PXYLP1: variants seen among roughly 807,000 people sequenced by gnomAD.
PXYLP1 encodes acid phosphatase-like 2.
A neutral mutation model predicts 37.9 loss-of-function variants in PXYLP1; 17 were observed. The ratio of observed to expected loss-of-function variants is 0.45; its 90% CI spans 0.31 to 0.67. PXYLP1 has a LOEUF of 0.67. Ranked by LOEUF, PXYLP1 falls within the 30% of genes least tolerant of loss-of-function variation. PXYLP1 has a pLI of 0.07. For missense variants in PXYLP1, 511 were observed against 612.0 expected, an observed-to-expected ratio of 0.84 and a Z score of 1.74; for synonymous variants, 221 against 232.2, an observed-to-expected ratio of 0.95 and a Z score of 0.44.
intron 1 of PXYLP1, among the ~76,000 whole-genome samples, chr3:141,244,909 A>G (rs1940900043): frequency 6.6e-6 from 1 of 151,776 alleles, no homozygotes; most frequent in Non-Finnish European, 1.5e-5. Context: ...TTTCCCCTTC[A>G]CAGATACTAT....
intron 4 of PXYLP1, among the ~76,000 whole-genome samples, chr3:141,282,958 G>T (rs1941988166): frequency 1.3e-5 from 2 of 150,426 alleles, no homozygotes; most frequent in Non-Finnish European, 1.5e-5. Context: ...TTTCTAGTCA[G>T]TAATAGGCTG....
At chr3:141,263,668 A>G (rs1941444480) in intron 2 of PXYLP1, among the ~76,000 whole-genome samples, 1 of 152,092 alleles carries the variant, frequency 6.6e-6, no homozygotes. Flanking sequence ...TCATTTCTCC[A>G]TGTTCTGACC....
intron 4 of PXYLP1, among the ~76,000 whole-genome samples, chr3:141,286,956 G>C (rs1942088377): frequency 2.6e-5 from 4 of 152,240 alleles, no homozygotes; most frequent in Admixed American, 2.6e-4. Context: ...GGAATGGAGA[G>C]AGTGGGACGA....
At chr3:141,263,891 A>G (rs887771294) in intron 2 of PXYLP1, among the ~76,000 whole-genome samples, 4 of 152,256 alleles carry the variant, frequency 2.6e-5, no homozygotes, top group African/African-American at 9.6e-5. Context: ...TAAGCAAACC[A>G]GCGCAGAGTT....
At chr3:141,247,572 A>C (rs1429415197) in intron 1 of PXYLP1, among the ~76,000 whole-genome samples, 1 of 152,186 alleles carries the variant, frequency 6.6e-6, no homozygotes, top group Non-Finnish European at 1.5e-5. Context: ...ATTATCACAG[A>C]GTTGGTGGGT....
intron 1 of PXYLP1, among the ~76,000 whole-genome samples, chr3:141,249,015 C>CA (rs1314401991): frequency 2.0e-5 from 3 of 152,056 alleles, no homozygotes; most frequent in Non-Finnish European, 4.4e-5. Context: ...CCCTCTGTAG[C>CA]ATCACCAGCA....
chr3:141,268,471 A>G (rs545577053), intron 2 of PXYLP1, among the ~76,000 whole-genome samples: 19 of 152,290 alleles, frequency 1.2e-4, no homozygotes, highest in African/African-American at 4.6e-4. Context: ...CAAGCCACGC[A>G]GTGCAGACCC....
intron 1 of PXYLP1, among the ~76,000 whole-genome samples, chr3:141,246,201 C>A (rs1197685350): frequency 6.6e-6 from 1 of 152,172 alleles, no homozygotes; most frequent in Non-Finnish European, 1.5e-5. Context: ...TTGGCACTTT[C>A]TAAGATGAGA....
intron 2 of PXYLP1, among the ~76,000 whole-genome samples, chr3:141,263,088 A>G (rs1021628403): frequency 2.0e-5 from 3 of 152,190 alleles, no homozygotes; most frequent in South Asian, 4.1e-4. Context: ...TCTTTTCCTG[A>G]TGTTTTGAAT....
chr3:141,266,431 G>GCC (rs1271524632), intron 2 of PXYLP1, among the ~76,000 whole-genome samples: 2 of 152,090 alleles, frequency 1.3e-5, no homozygotes, highest in African/African-American at 4.8e-5. Context: ...CTGAATTTGT[G>GCC]CCCTGCGGTG....
At chr3:141,265,821 C>T (rs1296145816) in intron 2 of PXYLP1, among the ~76,000 whole-genome samples, 2 of 152,152 alleles carry the variant, frequency 1.3e-5, no homozygotes, top group Non-Finnish European at 2.9e-5. Flanking sequence ...GGAAGTCAAC[C>T]ATGCAGGGCT....
At chr3:141,274,071 T>C in intron 2 of PXYLP1, 25 of 988,364 alleles carry the variant, frequency 2.5e-5, no homozygotes, top group Non-Finnish European at 3.0e-5. Flanking sequence ...GCAGAGTTTC[T>C]AATTGTTCCA....
Position 141,260,111 on chromosome 3 carries a change from C to A in PXYLP1, c.-53-12C>A, listed in dbSNP as rs181802428. The A allele has an allele frequency of 1.3e-6, 2 of 1,591,072 alleles. No individual in the cohort carries two copies. Among genetic ancestry groups the A allele is most frequent in the African/African-American group, 2.7e-5 (2 of 74,644 alleles). ...TCTAAACACTCATTTATCACCTCTG[C>A]TTTATTCACAGGACATGTTCCCGAT... On this transcript the variant is annotated splice_polypyrimidine_tract_variant and intron_variant, in intron 1 of 5. Coordinates refer to ENST00000286353, the MANE Select transcript of PXYLP1 (RefSeq NM_001037172.3).
rs868127980 is a variant in PXYLP1, at chr3:141,285,839, C to T, written c.366-1475C>T. Among the ~76,000 whole-genome samples the T allele has an allele frequency of 7.9e-5, 12 of 152,298 alleles. No homozygotes were observed. The South Asian group carries it at 2.1e-3, about 26-fold the overall frequency. ...TGTGCTTTAGCCTCAGGCAAAATAACGTACCCTGTTTTTGTGGAAAGGCAT... is the reference window on the plus strand; with the variant it reads ...TGTGCTTTAGCCTCAGGCAAAATAATGTACCCTGTTTTTGTGGAAAGGCAT... On this transcript the variant is annotated intron_variant, in intron 4 of 5. Coordinates refer to ENST00000286353, the MANE Select transcript of PXYLP1 (RefSeq NM_001037172.3).
intron 2 of PXYLP1, among the ~76,000 whole-genome samples, chr3:141,270,976 G>A (rs879850415): frequency 6.6e-5 from 10 of 152,134 alleles, no homozygotes; most frequent in Non-Finnish European, 1.2e-4. Flanking sequence ...CTGCAGCCCC[G>A]AACTCCTGAG....
rs967872790 is a variant in PXYLP1 at position 141,240,016 on chromosome 3, C to T, written c.-54+8105C>T. Among the ~76,000 whole-genome samples the T allele has an allele frequency of 1.2e-4, 19 of 152,192 alleles. 1 individual carries two copies. Among genetic ancestry groups the T allele is most frequent in the Non-Finnish European group, 2.9e-5 (2 of 68,036 alleles). ...TGTCTGGCTGAAAGTAGCAGAAAGC[C>T]CTGGCTTAGTGGCTTAAGTAAATAG... On this transcript the variant is annotated intron_variant, in intron 1 of 5. Transcript: ENST00000286353.
chr3:141,268,982 G>C (rs531859956), intron 2 of PXYLP1, among the ~76,000 whole-genome samples: 1 of 152,228 alleles, frequency 6.6e-6, no homozygotes, highest in Non-Finnish European at 1.5e-5. Context: ...GGGTCTGCCC[G>C]TCCACACCAC....
At chr3:141,265,005 A>G (rs888481413) in intron 2 of PXYLP1, among the ~76,000 whole-genome samples, 1 of 152,150 alleles carries the variant, frequency 6.6e-6, no homozygotes, top group Non-Finnish European at 1.5e-5. Flanking sequence ...GTTGGGGAAG[A>G]CCCCCTAAAA....
At chr3:141,282,452 C>T (rs1941975608) in intron 4 of PXYLP1, among the ~76,000 whole-genome samples, 1 of 149,942 alleles carries the variant, frequency 6.7e-6, no homozygotes, top group Admixed American at 6.6e-5. Context: ...CTTCTCTTTG[C>T]CACAGCATCT....
Sources: allele counts gnomAD v4.1 joint callset (sites outside exome capture counted in the v4.1 genomes callset), GRCh38; gene constraint gnomAD v4.1.1; transcripts MANE v1.5; gene names NCBI Gene and HGNC (gene_info 2026-07-23, HGNC 2026-07-21).